FOXP2: variants seen among roughly 807,000 people sequenced by gnomAD.
The protein encoded by FOXP2 is forkhead box protein P2.
FOXP2 carries 12 observed loss-of-function variants against 115.8 expected under a neutral mutation model. The observed-to-expected ratio is 0.10, with a 90% CI of 0.07 to 0.17. The LOEUF is 0.17. Among genes scored for constraint, FOXP2 ranks in the 10% least tolerant of loss-of-function variants. FOXP2 has a pLI of 1.00. For synonymous variants in FOXP2, 328 were observed against 297.7 expected, an observed-to-expected ratio of 1.10 and a Z score of -1.05; for missense variants, 629 against 843.5, an observed-to-expected ratio of 0.75 and a Z score of 3.15.
chr7:114,374,511 G>A (rs1290610601), intron 2 of FOXP2, among the ~76,000 whole-genome samples: 4 of 152,092 alleles, frequency 2.6e-5, no homozygotes, highest in Non-Finnish European at 5.9e-5. Flanking sequence ...AGGACCCAAA[G>A]TGTGTGATAA....
intron 3 of FOXP2, among the ~76,000 whole-genome samples, chr7:114,548,930 GT>G (rs1487730693): frequency 6.6e-6 from 1 of 152,180 alleles, no homozygotes; most frequent in East Asian, 1.9e-4. Flanking sequence ...GCAGAAAAAT[GT>G]TTCATTTAGC....
At chr7:114,618,528 G>T (rs1804069821) in intron 3 of FOXP2, among the ~76,000 whole-genome samples, 1 of 152,040 alleles carries the variant, frequency 6.6e-6, no homozygotes, top group Non-Finnish European at 1.5e-5. Context: ...ATTTAACAAG[G>T]ACATACTTCC....
At position 114,093,566 on chromosome 7, in the gene FOXP2, T is replaced by C. The variant is rs887415205; in HGVS notation, c.-247+5728T>C. Among the ~76,000 whole-genome samples the C allele has an allele frequency of 3.3e-5, 5 of 152,194 alleles. No homozygotes were observed. The East Asian group carries it at 7.7e-4, about 24-fold the overall frequency. ...GTCGAATGAAGGAATGAATGTTTCA[T>C]AGGAGGCCAAAGAAGTTACTTCCAT... On this transcript the variant is annotated intron_variant, in intron 1 of 19. Transcript: ENST00000635638.
intron 1 of FOXP2, among the ~76,000 whole-genome samples, chr7:114,220,260 AT>A (rs903704687): frequency 7.9e-5 from 12 of 152,220 alleles, no homozygotes; most frequent in East Asian, 5.8e-4. Context: ...TATAAAAAAA[AT>A]AATGGGAACA....
intron 2 of FOXP2, among the ~76,000 whole-genome samples, chr7:114,325,261 A>C (rs1797526997): frequency 6.6e-6 from 1 of 151,894 alleles, no homozygotes; most frequent in Non-Finnish European, 1.5e-5. Flanking sequence ...TGAACCATAT[A>C]CCCAGACTAT....
chr7:114,682,545 C>A (rs1290633178), intron 16 of FOXP2, among the ~76,000 whole-genome samples: 2 of 152,054 alleles, frequency 1.3e-5, no homozygotes, highest in Non-Finnish European at 2.9e-5. Flanking sequence ...ACCTAATTAT[C>A]CTATGGTAGT....
intron 6 of FOXP2, among the ~76,000 whole-genome samples, chr7:114,634,280 G>A (rs1255820676): frequency 1.3e-5 from 2 of 152,070 alleles, no homozygotes; most frequent in East Asian, 3.9e-4. Context: ...ACAGGCATTA[G>A]CCACTGTGCT....
At chr7:114,167,715 T>C (rs945672321) in intron 1 of FOXP2, among the ~76,000 whole-genome samples, 6 of 151,962 alleles carry the variant, frequency 3.9e-5, no homozygotes, top group Non-Finnish European at 7.4e-5. Context: ...GGCAGGCGGA[T>C]CAGGAGGTCA....
In FOXP2 at chr7:114,445,486, C is replaced by A. The variant is rs554778647; in HGVS notation, c.168+18807C>A. Among the ~76,000 whole-genome samples, 14 of 152,142 alleles carry A rather than the reference C, an allele frequency of 9.2e-5. No homozygotes were observed. In the East Asian group the frequency reaches 1.2e-3, roughly 13 times the overall value. On this transcript the variant is annotated intron_variant, in intron 2 of 16. Transcript: ENST00000350908. ...TAGTGTGTTGTGTTTCTAAGTGAGT[C>A]CAAATTTGGATTTTATTTAAAATCA...
chr7:114,296,561 A>G (rs1187793141), intron 2 of FOXP2, among the ~76,000 whole-genome samples: 1 of 152,124 alleles, frequency 6.6e-6, no homozygotes, highest in East Asian at 1.9e-4. Context: ...TGTGTTTTAC[A>G]TATCATGTGA....
intron 1 of FOXP2, among the ~76,000 whole-genome samples, chr7:114,278,323 A>ATATTT (rs1796243681): frequency 6.6e-6 from 1 of 151,966 alleles, no homozygotes. Context: ...AGCTGTTAAA[A>ATATTT]CATTTCATTT....
At chr7:114,225,821 T>A (rs1363478455) in intron 1 of FOXP2, among the ~76,000 whole-genome samples, 2 of 152,210 alleles carry the variant, frequency 1.3e-5, no homozygotes, top group African/African-American at 4.8e-5. Flanking sequence ...ATTATTCTTT[T>A]TTCCCACTAA....
rs147112933 is a variant in FOXP2 at position 114,428,957 on chromosome 7, G to T, written c.168+2278G>T. Reference sequence around the variant, plus strand: ...AAATTACTTCTTATAATTATAATGAGCTAATCATTGTTGACCAAGATCTTT... The same window carrying T: ...AAATTACTTCTTATAATTATAATGATCTAATCATTGTTGACCAAGATCTTT... On this transcript the variant is annotated intron_variant, in intron 2 of 16. Transcript: ENST00000350908. Among the ~76,000 whole-genome samples the T allele has an allele frequency of 3.3e-5, 5 of 151,600 alleles. No homozygotes were observed. The East Asian group carries it at 9.7e-4, about 29-fold the overall frequency.
chr7:114,192,703 G>T (rs1463001211), intron 1 of FOXP2, among the ~76,000 whole-genome samples: 1 of 152,116 alleles, frequency 6.6e-6, no homozygotes, highest in African/African-American at 2.4e-5. Context: ...CACTGTAAAG[G>T]TTTTATGAGT....
chr7:114,390,901 C>T (rs1242040216), intron 2 of FOXP2, among the ~76,000 whole-genome samples: 1 of 152,060 alleles, frequency 6.6e-6, no homozygotes, highest in Non-Finnish European at 1.5e-5. Context: ...AAAAATCTGA[C>T]TTCTTGGCCA....
At chr7:114,371,544 C>A (rs1051502050) in intron 2 of FOXP2, among the ~76,000 whole-genome samples, 4 of 152,124 alleles carry the variant, frequency 2.6e-5, no homozygotes, top group Admixed American at 2.6e-4. Flanking sequence ...ATATGCTTTT[C>A]AGAGTGGAAA....
chr7:114,372,133 T>C (rs1792023391), intron 2 of FOXP2, among the ~76,000 whole-genome samples: 1 of 152,170 alleles, frequency 6.6e-6, no homozygotes, highest in Non-Finnish European at 1.5e-5. Context: ...GGCCATGGTA[T>C]TATAGCTAGT....
intron 2 of FOXP2, among the ~76,000 whole-genome samples, chr7:114,305,552 C>G (rs981478658): frequency 3.3e-5 from 5 of 152,104 alleles, no homozygotes; most frequent in African/African-American, 1.2e-4. Context: ...ATATTCAGTA[C>G]AACGCCTGTA....
intron 1 of FOXP2, among the ~76,000 whole-genome samples, chr7:114,171,208 G>T (rs1028269471): frequency 1.3e-5 from 2 of 152,152 alleles, no homozygotes; most frequent in African/African-American, 4.8e-5. Context: ...ATGGTTCACT[G>T]AATATTTTAA....
Sources: allele counts gnomAD v4.1 joint callset (sites outside exome capture counted in the v4.1 genomes callset), GRCh38; gene constraint gnomAD v4.1.1; transcripts MANE v1.5; gene names NCBI Gene and HGNC (gene_info 2026-07-23, HGNC 2026-07-21).